Variants in ICE1 observed in about 807,000 individuals in gnomAD.
ICE1 encodes the protein little elongation complex subunit 1.
A neutral mutation model predicts 192.7 loss-of-function variants in ICE1; 64 were observed. That is an observed-to-expected ratio of 0.33 (90% confidence interval 0.27 to 0.41). The LOEUF (loss-of-function observed/expected upper bound fraction) is 0.41. Ranked by LOEUF, ICE1 falls within the 10% of genes least tolerant of loss-of-function variation. The pLI, the probability that ICE1 is intolerant of heterozygous loss-of-function variation, is 1.00. For synonymous variants in ICE1, 1,010 were observed against 984.5 expected, an observed-to-expected ratio of 1.03 and a Z score of -0.49; for missense variants, 2,708 against 2,696.0, an observed-to-expected ratio of 1.00 and a Z score of -0.10.
rs1192566696 is a variant in ICE1, at chr5:5,463,887, G to C, written c.4553G>C (p.Ser1518Thr). The C allele has an allele frequency of 6.2e-7, 1 of 1,613,988 alleles. No homozygotes were observed. The highest frequency in any genetic ancestry group is 8.5e-7 in the Non-Finnish European group (1 of 1,179,872). The change falls in exon 13 of 19, where the codon AGT becomes ACT. Residue 1518 changes from serine (S) to threonine (T), a missense_variant. Transcript: ENST00000296564. ...SRLRNRPVKPSIWISSQIYDQ... is the reference protein window; with the variant it reads ...SRLRNRPVKPTIWISSQIYDQ... Reference sequence around the variant, plus strand: ...TTGCGAAATAGACCCGTTAAGCCTAGTATATGGATTAGTTCTCAAATCTAT... The same window carrying C: ...TTGCGAAATAGACCCGTTAAGCCTACTATATGGATTAGTTCTCAAATCTAT...
At chr5:5,459,153 G>A (rs1203682441) in intron 12 of ICE1, among the ~76,000 whole-genome samples, 5 of 152,178 alleles carry the variant, frequency 3.3e-5, no homozygotes, top group African/African-American at 7.2e-5. Context: ...GATTACAGGC[G>A]TGAGCCACCG....
chr5:5,454,003 C>T (rs762635464), intron 10 of ICE1, among the ~76,000 whole-genome samples: 15 of 152,158 alleles, frequency 9.9e-5, no homozygotes, highest in African/African-American at 3.4e-4. Flanking sequence ...CACACATTCC[C>T]GTACCGTCTC....
At chr5:5,482,076 T>A (rs1265023976) in intron 17 of ICE1, among the ~76,000 whole-genome samples, 2 of 152,232 alleles carry the variant, frequency 1.3e-5, no homozygotes, top group African/African-American at 4.8e-5. Context: ...TTATATACTT[T>A]CAAATATGTA....
intron 1 of ICE1, among the ~76,000 whole-genome samples, chr5:5,435,870 A>G (rs1054366603): frequency 2.2e-4 from 34 of 152,000 alleles, no homozygotes; most frequent in African/African-American, 8.2e-4. Context: ...GGGTTTCACC[A>G]TGTTGGTCAG....
intron 1 of ICE1, among the ~76,000 whole-genome samples, chr5:5,425,644 C>T (rs916391133): frequency 6.6e-6 from 1 of 152,132 alleles, no homozygotes; most frequent in African/African-American, 2.4e-5. Flanking sequence ...TATAGAGAAC[C>T]TTGAATGGTA....
Position 5,473,741 on chromosome 5 carries a change from A to G in ICE1, c.6406A>G (p.Ile2136Val), listed in dbSNP as rs1009409831. 1 of 1,581,372 alleles carries G rather than the reference A, an allele frequency of 6.3e-7. No individual in the cohort carries two copies. The highest frequency in any genetic ancestry group is 8.6e-7 in the Non-Finnish European group (1 of 1,167,704). The change falls in exon 16 of 19, where the codon ATC becomes GTC. Residue 2136 changes from isoleucine to valine, a missense_variant. Ile to Val is a conservative substitution (Grantham distance 29, BLOSUM62 3). Transcript: ENST00000296564. ...HQKWIWTHDN[I>V]ISKELWPVMD... ...GAAATGGATCTGGACGCATGATAAC[A>G]TCATAAGGTTAGTTATTTTACTAAT...
At position 5,464,068 on chromosome 5, in the gene ICE1, T is replaced by G. The variant is rs140379212; in HGVS notation, c.4734T>G (p.Thr1578=). The part of the protein sequence containing the change: ...VKTSASSRVE[T]HQSEVAQSFS... ...CTTCAGCGTCGAGCAGAGTTGAAAC[T>G]CATCAGAGTGAAGTTGCTCAGTCAT... Residue 1578 remains threonine, a synonymous_variant, in exon 13 of 19, where the codon ACT becomes ACG. Coordinates refer to ENST00000296564, the MANE Select transcript of ICE1 (RefSeq NM_015325.3). This position sits in a 1 kb window ranked among gnomAD's most constrained non-coding sequence, Gnocchi z 4.0. The G allele has an allele frequency of 2.5e-5, 40 of 1,613,498 alleles. No homozygotes were observed. In the African/African-American group the frequency reaches 4.7e-4, roughly 19 times the overall value.
At chr5:5,432,507 C>T (rs182440798) in intron 1 of ICE1, among the ~76,000 whole-genome samples, 41 of 152,160 alleles carry the variant, frequency 2.7e-4, no homozygotes, top group Non-Finnish European at 1.3e-4. Flanking sequence ...GTAAGTTTGC[C>T]GTGGACTCTA....
In ICE1 at chr5:5,460,909, T is replaced by G; in HGVS notation, c.1575T>G (p.Pro525=). The G allele has an allele frequency of 6.2e-7, 1 of 1,614,020 alleles. No homozygotes were observed. Among genetic ancestry groups the G allele is most frequent in the African/African-American group, 1.3e-5 (1 of 75,048 alleles). Reference sequence around the variant, plus strand: ...CTGCACAAGAGAAGGAAGCTGCCCCTGGGAAGTCTGAGTTGTGTTCTTCTC... The same window carrying G: ...CTGCACAAGAGAAGGAAGCTGCCCCGGGGAAGTCTGAGTTGTGTTCTTCTC... ...ASPAQEKEAA[P]GKSELCSSPL... Residue 525 remains proline, a synonymous_variant, in exon 13 of 19, where the codon CCT becomes CCG. Coordinates refer to ENST00000296564, the MANE Select transcript of ICE1 (RefSeq NM_015325.3).
At chr5:5,460,305 C>A in intron 12 of ICE1, 131 bp from the exon 13 acceptor site, 2 of 682,952 alleles carry the variant, frequency 2.9e-6, no homozygotes, top group Non-Finnish European at 4.9e-6. Flanking sequence ...AGATTCCTAG[C>A]CTGCCCCTGC....
chr5:5,429,791 AT>A (rs1737643530), intron 1 of ICE1, among the ~76,000 whole-genome samples: 1 of 152,192 alleles, frequency 6.6e-6, no homozygotes, highest in Non-Finnish European at 1.5e-5. Flanking sequence ...GGAAGGAAGC[AT>A]GGGCATCAGC....
At position 5,464,731 on chromosome 5, in the gene ICE1, C is replaced by T. The variant is rs1031520303; in HGVS notation, c.5397C>T (p.Ile1799=). 9 of 1,613,812 alleles carry T rather than the reference C, an allele frequency of 5.6e-6. No homozygotes were observed. The Admixed American group carries it at 1.2e-4, about 21-fold the overall frequency. ...PASAMIGFKT[I]TSAATAFVKT... is the part of the protein sequence containing the mutation. The stretch of plus-strand genomic sequence containing the variant: ...GTGCTATGATAGGATTCAAAACGAT[C>T]ACTTCAGCAGCAACTGCTTTTGTCA... The change falls in exon 13 of 19, where the codon ATC becomes ATT. Residue 1799 remains isoleucine, a synonymous_variant. Transcript: ENST00000296564. The surrounding 1 kb of genome is among the most constrained non-coding windows in gnomAD (Gnocchi z 4.0).
intron 14 of ICE1, 90 bp from the exon 15 acceptor site, chr5:5,468,738 C>T (rs1255519717): frequency 4.3e-5 from 32 of 747,984 alleles, no homozygotes; most frequent in Admixed American, 7.3e-5. Flanking sequence ...CTGCAAGGCA[C>T]CAGTGAAATT....
At chr5:5,451,471 G>A (rs184380941) in intron 10 of ICE1, among the ~76,000 whole-genome samples, 56 of 152,082 alleles carry the variant, frequency 3.7e-4, no homozygotes, top group Admixed American at 9.2e-4. Context: ...ACAACTCTTT[G>A]GTAAACTTTG....
rs541965294 is a variant in ICE1, at chr5:5,462,363, T to C, written c.3029T>C (p.Val1010Ala). The part of the protein sequence containing the change: ...SEMLPATEVT[V>A]SGGFSVEETS... ...ATGCTTCCAGCCACAGAAGTGACTG[T>C]GTCAGGAGGGTTTTCTGTTGAAGAA... The change falls in exon 13 of 19, where the codon GTG becomes GCG. Residue 1010 changes from valine to alanine, a missense_variant. This residue lies in a region of ICE1 where 2,366 missense variants were observed against 2,276.6 expected (regional missense o/e 1.04). Coordinates refer to ENST00000296564, the MANE Select transcript of ICE1 (RefSeq NM_015325.3). The C allele has an allele frequency of 3.1e-6, 5 of 1,613,998 alleles. No homozygotes were observed. The East Asian group carries it at 1.1e-4, about 36-fold the overall frequency.
At position 5,422,887 on chromosome 5, in the gene ICE1, G is replaced by A. The variant is rs1160798149; in HGVS notation, c.-29G>A. The A allele has an allele frequency of 8.9e-6, 12 of 1,350,248 alleles. No individual in the cohort carries two copies. The highest frequency in any genetic ancestry group is 1.1e-5 in the Non-Finnish European group (12 of 1,052,588). 83.6% of individuals were successfully genotyped at this position (1,350,248 alleles called of 1,614,324 possible). ...CCGACGCCGCGGGCCCCTGAGGCGT[G>A]CGTGCCCACCGGGCCCGGCGGCGGC... On this transcript the variant is annotated 5_prime_UTR_variant, in exon 1 of 19. Coordinates refer to ENST00000296564, the MANE Select transcript of ICE1 (RefSeq NM_015325.3).
intron 1 of ICE1, among the ~76,000 whole-genome samples, chr5:5,424,386 G>A (rs918341258): frequency 1.8e-4 from 23 of 124,808 alleles, no homozygotes; most frequent in African/African-American, 6.7e-4. Flanking sequence ...CCCCGCCCCC[G>A]CCACCACCAC....
chr5:5,482,159 A>G (rs1361555442), intron 17 of ICE1, among the ~76,000 whole-genome samples: 1 of 152,240 alleles, frequency 6.6e-6, no homozygotes, highest in African/African-American at 2.4e-5. Context: ...TAGGGATAAA[A>G]TATGGCTTGT....
At chr5:5,431,873 C>G (rs1218238237) in intron 1 of ICE1, among the ~76,000 whole-genome samples, 4 of 151,656 alleles carry the variant, frequency 2.6e-5, no homozygotes, top group African/African-American at 9.7e-5. Flanking sequence ...TCGCCTTATT[C>G]TTTATGTGGA....
Sources: allele counts gnomAD v4.1 joint callset (sites outside exome capture counted in the v4.1 genomes callset), GRCh38; gene constraint gnomAD v4.1.1; regional missense constraint gnomAD v4.1.1; non-coding constraint Gnocchi (gnomAD v3.1); transcripts MANE v1.5; gene names NCBI Gene and HGNC (gene_info 2026-07-23, HGNC 2026-07-21).